RNF150: variants seen among roughly 807,000 people sequenced by gnomAD.
RNF150 encodes ring finger protein 150.
A neutral mutation model predicts 39.3 loss-of-function variants in RNF150; 24 were observed. The observed-to-expected ratio is 0.61, with a 90% CI of 0.44 to 0.86. The LOEUF (loss-of-function observed/expected upper bound fraction) is 0.86. Ranked by LOEUF, RNF150 falls within the 40% of genes least tolerant of loss-of-function variation. The pLI is 0.00. For missense variants in RNF150, 502 were observed against 587.8 expected, an observed-to-expected ratio of 0.85 and a Z score of 1.51; for synonymous variants, 255 against 227.3, an observed-to-expected ratio of 1.12 and a Z score of -1.10.
chr4:141,106,743 G>C (rs1226070907), intron 1 of RNF150, among the ~76,000 whole-genome samples: 8 of 152,076 alleles, frequency 5.3e-5, no homozygotes, highest in Admixed American at 5.2e-4. Context: ...GCAGTGAGCT[G>C]ACATCGTGCC....
chr4:140,943,245 A>G (rs549601362), intron 4 of RNF150, among the ~76,000 whole-genome samples: 2 of 152,320 alleles, frequency 1.3e-5, no homozygotes, highest in South Asian at 2.1e-4. Flanking sequence ...ATAATCTAAA[A>G]AAGACCCCCA....
At chr4:141,201,186 C>T in intron 1 of RNF150, among the ~76,000 whole-genome samples, 1 of 151,950 alleles carries the variant, frequency 6.6e-6, no homozygotes, top group East Asian at 1.9e-4. Context: ...CAATGTAGGT[C>T]CACACATCTT....
chr4:141,072,853 A>C (rs1307984508), intron 1 of RNF150, among the ~76,000 whole-genome samples: 1 of 152,128 alleles, frequency 6.6e-6, no homozygotes, highest in Non-Finnish European at 1.5e-5. Flanking sequence ...TCAAAGTCTC[A>C]AAACAAAAAA....
At chr4:141,144,121 GA>G (rs34587274) in intron 1 of RNF150, among the ~76,000 whole-genome samples, 14 of 134,984 alleles carry the variant, frequency 1.0e-4, no homozygotes, top group African/African-American at 3.6e-4. Context: ...GTTGCTGGGG[GA>G]AAAAAAACCC....
At chr4:140,991,575 A>G (rs1734198990) in intron 1 of RNF150, among the ~76,000 whole-genome samples, 1 of 152,126 alleles carries the variant, frequency 6.6e-6, no homozygotes, top group Non-Finnish European at 1.5e-5. Context: ...GAACCATGCC[A>G]ACACATTACA....
chr4:140,911,099 C>T (rs1348363213), intron 6 of RNF150, 45 bp downstream of exon 6: 1 of 1,493,476 alleles, frequency 6.7e-7, no homozygotes, highest in Non-Finnish European at 9.3e-7. Flanking sequence ...TCCTACAAGG[C>T]AACAGTCCTT....
intron 5 of RNF150, among the ~76,000 whole-genome samples, chr4:140,924,011 A>G (rs529865118): frequency 4.5e-4 from 69 of 152,226 alleles, no homozygotes; most frequent in African/African-American, 1.6e-3. Context: ...TAGGAGATAT[A>G]CCTAATGCTA....
At position 141,101,049 on chromosome 4, in the gene RNF150, T is replaced by C. The variant is rs541852920; in HGVS notation, c.484+31276A>G. ...AGGCGTAGGACATTACTATACACTA[T>C]TGCAGGCTTTATAAACACTATACAC... On this transcript the variant is annotated intron_variant, in intron 1 of 6. Transcript: ENST00000515673. Among the ~76,000 whole-genome samples, 3 of 152,292 alleles carry C rather than the reference T, an allele frequency of 2.0e-5. No individual in the cohort carries two copies. In the East Asian group the frequency reaches 5.8e-4, roughly 29 times the overall value.
intron 5 of RNF150, among the ~76,000 whole-genome samples, chr4:140,922,524 C>T (rs1342282967): frequency 1.3e-5 from 2 of 151,820 alleles, no homozygotes; most frequent in African/African-American, 2.4e-5. Context: ...GAATCAATAT[C>T]GTGAAAATGG....
Position 140,860,793 on chromosome 4 carries a change from G to A in RNF150, c.*7468C>T, listed in dbSNP as rs901082524. The A allele has an allele frequency of 3.9e-5, 6 of 152,022 alleles. No individual in the cohort carries two copies. The highest frequency in any genetic ancestry group is 1.4e-4 in the African/African-American group (6 of 41,384). The allele number at this position is 152,022 out of a possible 1,614,324, so 9.4% of individuals were successfully genotyped here. ...ATGCTGTACAAAGTGGTTAAAATAA[G>A]TTATTTCTTTTTCACATTTTTGCAA... is the stretch of plus-strand genomic sequence containing the variant. On this transcript the variant is annotated 3_prime_UTR_variant, in exon 7 of 7. Coordinates refer to ENST00000515673, the MANE Select transcript of RNF150 (RefSeq NM_020724.2).
upstream of RNF150, among the ~76,000 whole-genome samples, chr4:141,137,842 G>T (rs1360591886): frequency 6.6e-6 from 1 of 152,210 alleles, no homozygotes; most frequent in African/African-American, 2.4e-5. Context: ...AGACAGCTTA[G>T]TGGTGAGTCC....
intron 1 of RNF150, among the ~76,000 whole-genome samples, chr4:141,153,004 T>C (rs1314323887): frequency 6.6e-6 from 1 of 152,222 alleles, no homozygotes; most frequent in African/African-American, 2.4e-5. Flanking sequence ...GTTTTTGAGT[T>C]ACCAGAAGGG....
intron 1 of RNF150, among the ~76,000 whole-genome samples, chr4:141,158,256 A>G (rs745740921): frequency 3.9e-5 from 6 of 152,208 alleles, no homozygotes; most frequent in Non-Finnish European, 7.3e-5. Flanking sequence ...GTGCCACTGC[A>G]CTCCAGCCTG....
At position 141,133,056 on chromosome 4, in the gene RNF150, G is replaced by A; in HGVS notation, c.-248C>T. 2 of 426,750 alleles carry A rather than the reference G, an allele frequency of 4.7e-6. No homozygotes were observed. The highest frequency in any genetic ancestry group is 8.4e-6 in the Non-Finnish European group (2 of 239,014). The allele number at this position is 426,750 out of a possible 1,614,324, so 26.4% of individuals were successfully genotyped here. ...TTTGCTTCTTGGGCGCCCGGGGGGCGCGGGAACAGAGGGCCCGCGGGGCTT... is the reference window on the plus strand; with the variant it reads ...TTTGCTTCTTGGGCGCCCGGGGGGCACGGGAACAGAGGGCCCGCGGGGCTT... On this transcript the variant is annotated 5_prime_UTR_variant, in exon 1 of 7. Transcript: ENST00000515673.
chr4:141,010,455 C>A (rs1200838093), intron 1 of RNF150, among the ~76,000 whole-genome samples: 2 of 152,322 alleles, frequency 1.3e-5, no homozygotes, highest in South Asian at 4.1e-4. Context: ...AGGCCATCCA[C>A]TTTGCAGTCC....
chr4:141,062,821 T>TC (rs918884929), intron 1 of RNF150, among the ~76,000 whole-genome samples: 1 of 152,112 alleles, frequency 6.6e-6, no homozygotes, highest in Non-Finnish European at 1.5e-5. Flanking sequence ...CCAGCCCTTG[T>TC]CCCCCTCCCT....
chr4:140,880,358 T>A (rs1307806526), intron 6 of RNF150, among the ~76,000 whole-genome samples: 1 of 152,164 alleles, frequency 6.6e-6, no homozygotes, highest in Admixed American at 6.6e-5. Context: ...TCCCACTTGG[T>A]CATGGTATAT....
intron 1 of RNF150, among the ~76,000 whole-genome samples, chr4:141,144,233 T>C (rs1475533588): frequency 6.6e-6 from 1 of 152,232 alleles, no homozygotes; most frequent in African/African-American, 2.4e-5. Flanking sequence ...TTCCAACCAC[T>C]ATTTGATTAA....
At chr4:141,157,604 C>T (rs1035150189) in intron 1 of RNF150, among the ~76,000 whole-genome samples, 4 of 152,186 alleles carry the variant, frequency 2.6e-5, no homozygotes, top group African/African-American at 9.7e-5. Context: ...AGAAGGCACT[C>T]TATTTCTCCT....
Sources: allele counts gnomAD v4.1 joint callset (sites outside exome capture counted in the v4.1 genomes callset), GRCh38; gene constraint gnomAD v4.1.1; transcripts MANE v1.5; gene names NCBI Gene and HGNC (gene_info 2026-07-23, HGNC 2026-07-21).